The following CBFA2T3 variants were observed in gnomAD, a reference collection of about 807,000 sequenced individuals.
CBFA2T3 encodes the protein CBFA2/RUNX1 partner transcriptional co-repressor 3.
In CBFA2T3, 31 loss-of-function variants were observed where a neutral mutation model predicts 58.6. The observed-to-expected ratio is 0.53, with a 90% CI of 0.40 to 0.71. CBFA2T3 has a LOEUF of 0.71. Ranked by LOEUF, CBFA2T3 falls within the 30% of genes least tolerant of loss-of-function variation. CBFA2T3 has a pLI of 0.00. For missense variants in CBFA2T3, 1,076 were observed against 963.1 expected, an observed-to-expected ratio of 1.12 and a Z score of -1.55; for synonymous variants, 531 against 421.9, an observed-to-expected ratio of 1.26 and a Z score of -3.17.
In CBFA2T3 at chr16:88,885,987, C is replaced by G; in HGVS notation, c.867G>C (p.Glu289Asp). ...DSSELLLEVN[E>D]NGKRRTPDRT... ...TGTCGGGCGTCCTCCTCTTGCCGTT[C>G]TCGTTGACTTCCAGTAGCAGCTCTG... The change falls in exon 6 of 12, where the codon GAG becomes GAC. Residue 289 changes from glutamate to aspartate, a missense_variant. Glu to Asp is a conservative substitution (Grantham distance 45). Transcript: ENST00000268679. This position sits in a 1 kb window ranked among gnomAD's most constrained non-coding sequence, Gnocchi z 5.3. 1 of 1,552,810 alleles carries G rather than the reference C, an allele frequency of 6.4e-7. No individual in the cohort carries two copies.
chr16:88,910,761 C>T (rs1300938368), intron 1 of CBFA2T3, among the ~76,000 whole-genome samples: 1 of 152,202 alleles, frequency 6.6e-6, no homozygotes, highest in Non-Finnish European at 1.5e-5. Flanking sequence ...AGACCTGGGG[C>T]TCCCAGGCCA....
At chr16:88,935,693 CG>C (rs1343302398) in intron 1 of CBFA2T3, among the ~76,000 whole-genome samples, 2 of 152,272 alleles carry the variant, frequency 1.3e-5, no homozygotes, top group Middle Eastern at 3.4e-3. Flanking sequence ...AACTTCTGTT[CG>C]GGGGCCTGCA....
At chr16:88,898,043 C>CT (rs1567590456) in intron 3 of CBFA2T3, 35 bp downstream of exon 3, 1 of 1,524,598 alleles carries the variant, frequency 6.6e-7, no homozygotes. Context: ...GTGAAGACCT[C>CT]TGGGGAGGCC....
At chr16:88,916,485 T>C (rs1224776382) in intron 1 of CBFA2T3, among the ~76,000 whole-genome samples, 1 of 152,112 alleles carries the variant, frequency 6.6e-6, no homozygotes, top group Non-Finnish European at 1.5e-5. Context: ...TGTATTCCTG[T>C]GTGTATTCGT....
chr16:88,969,791 G>C (rs894492754), intron 1 of CBFA2T3, among the ~76,000 whole-genome samples: 3 of 152,202 alleles, frequency 2.0e-5, no homozygotes, highest in East Asian at 3.9e-4. Flanking sequence ...CCCTACTAGA[G>C]GGCACCGTGG....
chr16:88,905,147 G>T (rs1400470180), intron 1 of CBFA2T3, among the ~76,000 whole-genome samples: 1 of 152,068 alleles, frequency 6.6e-6, no homozygotes, highest in African/African-American at 2.4e-5. Context: ...GGGGGAGTGG[G>T]CAGCGGGGAG....
At chr16:88,959,710 C>T (rs1487530858) in intron 1 of CBFA2T3, among the ~76,000 whole-genome samples, 1 of 152,138 alleles carries the variant, frequency 6.6e-6, no homozygotes, top group Non-Finnish European at 1.5e-5. Flanking sequence ...AGGGCAGAGA[C>T]GGTATCTGGG....
chr16:88,921,938 G>A (rs1050021518), intron 1 of CBFA2T3, among the ~76,000 whole-genome samples: 7 of 152,226 alleles, frequency 4.6e-5, no homozygotes, highest in Non-Finnish European at 7.3e-5. Context: ...TCTGCGCGGC[G>A]CATTTTGACT....
intron 1 of CBFA2T3, chr16:88,902,627 A>G (rs1970143956): frequency 6.6e-6 from 1 of 151,744 alleles, no homozygotes; most frequent in African/African-American, 2.4e-5. Flanking sequence ...CCAGGAGGCC[A>G]AGCCAGCACC....
rs12919954 is a variant in CBFA2T3 at position 88,954,463 on chromosome 16, T to G, written c.151+22194A>C. On this transcript the variant is annotated intron_variant, in intron 1 of 11. Transcript: ENST00000268679. The stretch of plus-strand genomic sequence containing the variant: ...TCCAAGGCTCCTGACCCCAGCCAAG[T>G]GTCCTGACCCCAGCCAAGGCTCCTG... Among the ~76,000 whole-genome samples the G allele has an allele frequency of 6.5e-4, 72 of 109,956 alleles. 1 individual carries two copies. The highest frequency in any genetic ancestry group is 1.3e-3 in the Admixed American group (14 of 11,144). 72.1% of individuals were successfully genotyped at this position (109,956 alleles called of 152,430 possible). A position where few individuals can be genotyped will look rare whatever the true frequency, so the allele number is the denominator to read the frequency against.
rs1050208810 is a variant in CBFA2T3 at position 88,885,170 on chromosome 16, G to A, written c.993C>T (p.Asn331=). The A allele has an allele frequency of 8.7e-6, 14 of 1,602,896 alleles. No homozygotes were observed. Among genetic ancestry groups the A allele is most frequent in the East Asian group, 6.7e-5 (3 of 44,574 alleles). ...GCGGCGGTGTGGGCTGCGGTGGCCC[G>A]TTGCTGGGGCTGTAGCGCTGGGCAG... ...LNPAQRYSPS[N]GPPQPTPPPH... The change falls in exon 7 of 12, where the codon AAC becomes AAT. Residue 331 remains asparagine, a synonymous_variant. Coordinates refer to ENST00000268679, the MANE Select transcript of CBFA2T3 (RefSeq NM_005187.6). The surrounding 1 kb of genome is among the most constrained non-coding windows in gnomAD (Gnocchi z 5.3).
At chr16:88,914,274 A>T (rs982129705) in intron 1 of CBFA2T3, among the ~76,000 whole-genome samples, 2 of 152,230 alleles carry the variant, frequency 1.3e-5, no homozygotes, top group African/African-American at 4.8e-5. Context: ...CCACCCTGAC[A>T]GCGCAGTGAC....
chr16:88,954,406 A>ACCACAGCCAAGG (rs1273228341), intron 1 of CBFA2T3, among the ~76,000 whole-genome samples: 1 of 78,028 alleles, frequency 1.3e-5, no homozygotes. Context: ...CCTACCCAAG[A>ACCACAGCCAAGG]CTCCTGACCC....
At position 88,897,554 on chromosome 16, in the gene CBFA2T3, C is replaced by T. The variant is rs946628894; in HGVS notation, c.379+524G>A. The stretch of plus-strand genomic sequence containing the variant: ...AGTCTGCTGAGCTCTCAGCATGTGC[C>T]CGGCCCCACCATCTGACGGCTCCTG... On this transcript the variant is annotated intron_variant, in intron 3 of 11. Transcript: ENST00000268679. Among the ~76,000 whole-genome samples, 85 of 152,226 alleles carry T rather than the reference C, an allele frequency of 5.6e-4. 5 individuals are homozygous for T. Among genetic ancestry groups the T allele is most frequent in the Non-Finnish European group, 1.5e-5 (1 of 68,042 alleles).
chr16:88,892,315 G>C lies in CBFA2T3; in HGVS notation c.550C>G (p.Leu184Val). ...LSKLKRFLTT[L>V]QQFGSDISPE... is the part of the protein sequence containing the mutation. Reference sequence around the variant, plus strand: ...GAGATGTCGCTGCCAAACTGCTGCAGTGTGGTGAGGAAGCGCTTGAGCTTG... The same window carrying C: ...GAGATGTCGCTGCCAAACTGCTGCACTGTGGTGAGGAAGCGCTTGAGCTTG... Residue 184 changes from leucine to valine, a missense_variant, in exon 4 of 12, where the codon CTG (leucine) becomes GTG (valine). Physicochemically the swap from Leu to Val is conservative, Grantham distance 32. Transcript: ENST00000268679. 6.2e-7 allele frequency: 1 copy of C among 1,613,126 alleles called. No homozygotes were observed. Among genetic ancestry groups the C allele is most frequent in the Non-Finnish European group, 8.5e-7 (1 of 1,179,978 alleles).
At chr16:88,964,371 G>C (rs1972443918) in intron 1 of CBFA2T3, among the ~76,000 whole-genome samples, 3 of 152,254 alleles carry the variant, frequency 2.0e-5, no homozygotes, top group African/African-American at 7.2e-5. Context: ...TGTTAGCCAG[G>C]CTGCCAAGGG....
intron 1 of CBFA2T3, among the ~76,000 whole-genome samples, chr16:88,962,160 A>AC (rs1486785697): frequency 1.3e-5 from 2 of 151,852 alleles, no homozygotes. Context: ...TTCCATAGTA[A>AC]CCGACACTCA....
intron 1 of CBFA2T3, among the ~76,000 whole-genome samples, chr16:88,921,093 C>T (rs919205502): frequency 8.5e-5 from 13 of 152,370 alleles, no homozygotes; most frequent in African/African-American, 3.1e-4. Flanking sequence ...GCAAGGCCTG[C>T]CCGGCTCTCA....
In CBFA2T3 at chr16:88,876,778, G is replaced by T. The variant is rs897193385; in HGVS notation, c.*198C>A. ...ATTAGGTAGCTGAGGCAGGTGCACT[G>T]AATGCGGTTTTGTTGGTTCTGTGTC... is the stretch of plus-strand genomic sequence containing the variant. On this transcript the variant is annotated 3_prime_UTR_variant, in exon 12 of 12. Coordinates refer to ENST00000268679, the MANE Select transcript of CBFA2T3 (RefSeq NM_005187.6). The T allele has an allele frequency of 2.0e-6, 1 of 495,734 alleles. No individual in the cohort carries two copies. The highest frequency in any genetic ancestry group is 2.0e-5 in the African/African-American group (1 of 49,240). The allele number at this position is 495,734 out of a possible 1,614,324, so 30.7% of individuals were successfully genotyped here.
Sources: gnomAD v4.1 joint callset for allele counts (sites outside exome capture counted in the v4.1 genomes callset) on GRCh38, gnomAD v4.1.1 for gene constraint, Gnocchi (gnomAD v3.1) non-coding constraint, MANE v1.5 for transcripts, NCBI Gene and HGNC (gene_info 2026-07-23, HGNC 2026-07-21) for gene names.